The following LUC7L3 variants were observed in gnomAD, a reference collection of about 807,000 sequenced individuals.
The protein encoded by LUC7L3 is LUC7 like 3 pre-mRNA splicing factor, also known as luc7-like protein 3.
Under a neutral mutation model 66.8 loss-of-function variants are expected in LUC7L3, and 6 were observed. The observed-to-expected ratio is 0.09, with a 90% confidence interval of 0.05 to 0.18. The LOEUF (loss-of-function observed/expected upper bound fraction) is 0.18, where lower values mean the gene tolerates loss of function less well. LUC7L3 is among the 10% of genes least tolerant of loss of function. The pLI is 1.00. For missense variants in LUC7L3, 341 were observed against 531.1 expected, an observed-to-expected ratio of 0.64 and a Z score of 3.52; for synonymous variants, 160 against 174.7, an observed-to-expected ratio of 0.92 and a Z score of 0.66.
chr17:50,730,129 C>A (rs1969490688), intron 1 of LUC7L3, among the ~76,000 whole-genome samples: 1 of 151,310 alleles, frequency 6.6e-6, no homozygotes, highest in Non-Finnish European at 1.5e-5. Flanking sequence ...GCCCGCACCA[C>A]CCCTGGCTAA....
At chr17:50,730,213 C>T (rs947175634) in intron 1 of LUC7L3, among the ~76,000 whole-genome samples, 3 of 151,942 alleles carry the variant, frequency 2.0e-5, no homozygotes, top group African/African-American at 7.2e-5. Context: ...CTTAAGCCAT[C>T]TGCCTGCCTC....
At chr17:50,730,398 A>C (rs1969507863) in intron 1 of LUC7L3, among the ~76,000 whole-genome samples, 1 of 151,726 alleles carries the variant, frequency 6.6e-6, no homozygotes, top group Non-Finnish European at 1.5e-5. Context: ...GCAGTTGCCC[A>C]TAATCCCAGC....
At chr17:50,747,343 A>C (rs1970743803) in intron 9 of LUC7L3, among the ~76,000 whole-genome samples, 1 of 148,646 alleles carries the variant, frequency 6.7e-6, no homozygotes, top group African/African-American at 2.5e-5. Context: ...ATTCTCATCT[A>C]ACTTAGCCTT....
chr17:50,746,023 A>G lies in LUC7L3; in HGVS notation c.977+20A>G. ...GAGCAGGTATATATAAAACACCCTA[A>G]GACTGTCCAGCTCATAATGGGTGTG... On this transcript the variant is annotated intron_variant, in intron 8 of 9. Coordinates refer to ENST00000505658, the MANE Select transcript of LUC7L3 (RefSeq NM_016424.5). The G allele has an allele frequency of 6.4e-7, 1 of 1,571,094 alleles. No homozygotes were observed. The highest frequency in any genetic ancestry group is 2.1e-5 in the Admixed American group (1 of 48,578).
intron 5 of LUC7L3, 121 bp from the exon 6 acceptor site, chr17:50,743,585 G>A: frequency 1.6e-6 from 1 of 634,488 alleles, no homozygotes. Context: ...ACCCAAAGAG[G>A]CTTTTGTAAA....
At chr17:50,725,844 A>G (rs543320849) in intron 1 of LUC7L3, among the ~76,000 whole-genome samples, 5 of 152,382 alleles carry the variant, frequency 3.3e-5, no homozygotes, top group African/African-American at 1.2e-4. Context: ...CGAATCATAA[A>G]AAGTTAAACT....
Position 50,752,150 on chromosome 17 carries a change from C to A in LUC7L3, c.*1489C>A. The A allele has an allele frequency of 7.8e-7, 1 of 1,275,438 alleles. No homozygotes were observed. Among genetic ancestry groups the A allele is most frequent in the East Asian group, 5.8e-5 (1 of 17,366 alleles). The allele number at this position is 1,275,438 out of a possible 1,614,324, so 79.0% of individuals were successfully genotyped here. A position where few individuals can be genotyped will look rare whatever the true frequency, so the allele number is the denominator to read the frequency against. Reference sequence around the variant, plus strand: ...GCCAACACTTTCTCATAAAAATTGGCCTTTTACATGTTGTCTAATTATCAT... The same window carrying A: ...GCCAACACTTTCTCATAAAAATTGGACTTTTACATGTTGTCTAATTATCAT... On this transcript the variant is annotated 3_prime_UTR_variant, in exon 10 of 10. Coordinates refer to ENST00000505658, the MANE Select transcript of LUC7L3 (RefSeq NM_016424.5).
At chr17:50,731,205 G>A (rs946747669) in intron 1 of LUC7L3, among the ~76,000 whole-genome samples, 9 of 152,134 alleles carry the variant, frequency 5.9e-5, no homozygotes, top group Middle Eastern at 3.2e-3. Flanking sequence ...GTCTCTCTCT[G>A]TCATCCAGGC....
intron 8 of LUC7L3, 43 bp downstream of exon 8, chr17:50,746,046 G>A (rs1250503188): frequency 2.6e-6 from 4 of 1,537,736 alleles, no homozygotes; most frequent in Non-Finnish European, 3.5e-6. Context: ...CATAATGGGT[G>A]TGCAATAACA....
intron 1 of LUC7L3, among the ~76,000 whole-genome samples, chr17:50,731,819 A>G (rs1969621673): frequency 6.6e-6 from 1 of 152,214 alleles, no homozygotes; most frequent in Non-Finnish European, 1.5e-5. Context: ...TAGCCCACAG[A>G]CAGGCATGTG....
intron 6 of LUC7L3, 90 bp from the exon 7 acceptor site, chr17:50,744,561 AC>A: frequency 3.4e-6 from 4 of 1,179,718 alleles, no homozygotes; most frequent in Non-Finnish European, 4.7e-6. Context: ...CAATTCACAC[AC>A]ATTAGAAATC....
chr17:50,728,050 G>A (rs1381005363), intron 1 of LUC7L3, among the ~76,000 whole-genome samples: 1 of 151,678 alleles, frequency 6.6e-6, no homozygotes, highest in Non-Finnish European at 1.5e-5. Flanking sequence ...CCCGGGAGGC[G>A]GAGCTTGCAG....
chr17:50,730,513 CAAAAAAAAAAAAAAA>C (rs3063109), intron 1 of LUC7L3, among the ~76,000 whole-genome samples: 3 of 59,066 alleles, frequency 5.1e-5, no homozygotes, highest in African/African-American at 2.3e-4. Flanking sequence ...ACTCTGTCTC[CAAAAAAAAAAAAAAA>C]AAAAAAAAAA....
intron 1 of LUC7L3, among the ~76,000 whole-genome samples, chr17:50,730,444 G>C (rs1008108139): frequency 1.4e-5 from 2 of 146,656 alleles, no homozygotes; most frequent in African/African-American, 5.1e-5. Flanking sequence ...CTTGAGCCTG[G>C]GAGGTAGAGG....
chr17:50,732,576 T>TTC (rs1329413737), intron 1 of LUC7L3, among the ~76,000 whole-genome samples: 1 of 151,164 alleles, frequency 6.6e-6, no homozygotes, highest in African/African-American at 2.4e-5. Context: ...TTTTTTTTTT[T>TTC]TTAGAGACAA....
rs904237150 is a variant in LUC7L3 at position 50,755,120 on chromosome 17, T to A, written c.*4459T>A. 6.6e-6 allele frequency: 1 copy of A among 152,200 alleles called. No homozygotes were observed. Among genetic ancestry groups the A allele is most frequent in the African/African-American group, 2.4e-5 (1 of 41,432 alleles). 9.4% of individuals were successfully genotyped at this position (152,200 alleles called of 1,614,324 possible). A position where few individuals can be genotyped will look rare whatever the true frequency, so the allele number is the denominator to read the frequency against. On this transcript the variant is annotated 3_prime_UTR_variant, in exon 10 of 10. Coordinates refer to ENST00000505658, the MANE Select transcript of LUC7L3 (RefSeq NM_016424.5). ...TTGATTTCCTGAGGGATTTTTTAGTTGTTTGTGAAAGAACCCCAGGTCTAC... is the reference window on the plus strand; with the variant it reads ...TTGATTTCCTGAGGGATTTTTTAGTAGTTTGTGAAAGAACCCCAGGTCTAC...
Position 50,734,062 on chromosome 17 carries a change from T to G in LUC7L3, c.100-2898T>G, listed in dbSNP as rs74423287. Among the ~76,000 whole-genome samples the G allele has an allele frequency of 0.013, 1,948 of 152,334 alleles. 111 individuals carry two copies. In the East Asian group the frequency reaches 0.19, roughly 15 times the overall value. On this transcript the variant is annotated intron_variant, in intron 1 of 9. Transcript: ENST00000505658. The stretch of plus-strand genomic sequence containing the variant: ...ATATGGCATCACAAGCAGTGGAACT[T>G]CAGAAATAATTTTTAAAAACATTAG...
chr17:50,735,098 C>T (rs919548013), intron 1 of LUC7L3, among the ~76,000 whole-genome samples: 3 of 152,050 alleles, frequency 2.0e-5, no homozygotes, highest in East Asian at 1.9e-4. Flanking sequence ...GGTGTGGTGG[C>T]GCATGCCTGT....
Position 50,751,667 on chromosome 17 carries a change from C to A in LUC7L3, c.*1006C>A. 1 of 1,089,714 alleles carries A rather than the reference C, an allele frequency of 9.2e-7. No individual in the cohort carries two copies. Among genetic ancestry groups the A allele is most frequent in the Non-Finnish European group, 1.1e-6 (1 of 889,554 alleles). 67.5% of individuals were successfully genotyped at this position (1,089,714 alleles called of 1,614,324 possible). A position where few individuals can be genotyped will look rare whatever the true frequency, so the allele number is the denominator to read the frequency against. ...TTCTCAAGTCTATAAGAGGTATGTG[C>A]TTAATATTTCCTACTGTGTAGGAGA... On this transcript the variant is annotated 3_prime_UTR_variant, in exon 10 of 10. Transcript: ENST00000505658.
Sources: allele counts gnomAD v4.1 joint callset (sites outside exome capture counted in the v4.1 genomes callset), GRCh38; gene constraint gnomAD v4.1.1; transcripts MANE v1.5; gene names NCBI Gene and HGNC (gene_info 2026-07-23, HGNC 2026-07-21).